The following CRACD variants were observed in gnomAD, a reference collection of about 807,000 sequenced individuals.
CRACD encodes the protein capping protein-inhibiting regulator of actin dynamics.
In CRACD, 56 loss-of-function variants were observed where a neutral mutation model predicts 106.8. The observed-to-expected ratio is 0.52, with a 90% CI of 0.42 to 0.66. The LOEUF is 0.66. Among genes scored for constraint, CRACD ranks in the 30% least tolerant of loss-of-function variants. The pLI is 0.00. For missense variants in CRACD, 1,730 were observed against 1,623.2 expected (o/e 1.07, Z -1.13); for synonymous variants, 754 against 670.8 (o/e 1.12, Z -1.92).
chr4:56,054,979 C>CA (rs1732005379), intron 1 of CRACD, among the ~76,000 whole-genome samples: 1 of 152,100 alleles, frequency 6.6e-6, no homozygotes, highest in Non-Finnish European at 1.5e-5. Flanking sequence ...GTACTGTATT[C>CA]AATATGAATT....
At chr4:56,210,033 G>T (rs573730688) in intron 2 of CRACD, among the ~76,000 whole-genome samples, 20 of 152,272 alleles carry the variant, frequency 1.3e-4, no homozygotes, top group African/African-American at 4.3e-4. Flanking sequence ...GGAAGAAGGG[G>T]TCATAATGGG....
chr4:56,232,843 G>C (rs1428826644), intron 2 of CRACD, among the ~76,000 whole-genome samples: 1 of 151,870 alleles, frequency 6.6e-6, no homozygotes, highest in Non-Finnish European at 1.5e-5. Flanking sequence ...TCCTGCCTCA[G>C]CCTCCCAAGT....
intron 2 of CRACD, among the ~76,000 whole-genome samples, chr4:56,256,769 G>C (rs1741380887): frequency 6.6e-6 from 1 of 152,158 alleles, no homozygotes; most frequent in Admixed American, 6.5e-5. Context: ...CATATCTGTG[G>C]AATGTAAACC....
At chr4:56,227,530 A>G (rs1419963526) in intron 2 of CRACD, among the ~76,000 whole-genome samples, 3 of 152,182 alleles carry the variant, frequency 2.0e-5, no homozygotes. Context: ...CGATCCCCTT[A>G]TAAAAGGCAG....
intron 2 of CRACD, among the ~76,000 whole-genome samples, chr4:56,239,099 C>T (rs1368651259): frequency 6.6e-6 from 1 of 152,046 alleles, no homozygotes; most frequent in African/African-American, 2.4e-5. Flanking sequence ...TCGAGACCAG[C>T]CTGGACAACA....
At chr4:56,109,053 G>A (rs1464820978) in intron 1 of CRACD, among the ~76,000 whole-genome samples, 4 of 152,120 alleles carry the variant, frequency 2.6e-5, no homozygotes, top group African/African-American at 9.7e-5. Flanking sequence ...ACTCCCTTTC[G>A]TGGTCTGCTA....
intron 1 of CRACD, among the ~76,000 whole-genome samples, chr4:56,091,849 G>T (rs1577957147): frequency 6.6e-6 from 1 of 152,096 alleles, no homozygotes; most frequent in East Asian, 1.9e-4. Flanking sequence ...AATATTTATT[G>T]AATACCTTCT....
chr4:56,274,532 G>A (rs1368388245), intron 3 of CRACD, among the ~76,000 whole-genome samples: 11 of 152,132 alleles, frequency 7.2e-5, no homozygotes, highest in Non-Finnish European at 2.9e-5. Flanking sequence ...ACTTCTTGGG[G>A]TTTTCCTTAA....
At chr4:56,090,792 A>G (rs1733401637) in intron 1 of CRACD, among the ~76,000 whole-genome samples, 1 of 152,190 alleles carries the variant, frequency 6.6e-6, no homozygotes. Context: ...TTTAGGGGCC[A>G]TAGTTCCAAC....
intron 2 of CRACD, among the ~76,000 whole-genome samples, chr4:56,179,703 G>A (rs968081518): frequency 1.3e-5 from 2 of 152,148 alleles, no homozygotes; most frequent in Non-Finnish European, 2.9e-5. Flanking sequence ...TTTGTAAATG[G>A]GAGAGGACAT....
chr4:56,298,143 G>C, intron 3 of CRACD, 71 bp from the exon 4 acceptor site: 1 of 1,514,752 alleles, frequency 6.6e-7, no homozygotes, highest in East Asian at 2.3e-5. Flanking sequence ...CTCCAATCAG[G>C]AATAATGGAA....
chr4:56,277,550 G>A (rs1186444894), intron 3 of CRACD, among the ~76,000 whole-genome samples: 3 of 151,726 alleles, frequency 2.0e-5, no homozygotes, highest in South Asian at 2.1e-4. Flanking sequence ...CATATTTAAT[G>A]ATGAAAAATG....
At chr4:56,160,590 A>G (rs1458873567) in intron 1 of CRACD, among the ~76,000 whole-genome samples, 1 of 152,208 alleles carries the variant, frequency 6.6e-6, no homozygotes, top group Non-Finnish European at 1.5e-5. Flanking sequence ...TCATTAAGGC[A>G]CTAAATAAAA....
chr4:56,189,645 G>A (rs1440676667), intron 2 of CRACD, among the ~76,000 whole-genome samples: 5 of 145,320 alleles, frequency 3.4e-5, no homozygotes, highest in Admixed American at 2.1e-4. Context: ...GAGAACATGC[G>A]GTGTTTGGTT....
chr4:56,185,852 G>A (rs1234932428), intron 2 of CRACD, among the ~76,000 whole-genome samples: 1 of 152,174 alleles, frequency 6.6e-6, no homozygotes, highest in African/African-American at 2.4e-5. Context: ...TGATATTTTG[G>A]CATTGGGATA....
Position 56,316,212 on chromosome 4 carries a change from C to G in CRACD, c.2710C>G (p.Pro904Ala), listed in dbSNP as rs770981534. ...GGAGGGTGTGGCCCTCAAGCATGGT[C>G]CATCCCTCCCCCAAGAGCGGAAGCA... is the stretch of plus-strand genomic sequence containing the variant. ...EMEGVALKHG[P>A]SLPQERKQAP... The change falls in exon 8 of 11, where the codon CCA becomes GCA. Residue 904 changes from proline to alanine, a missense_variant. This residue lies in a region of CRACD where 1,620 missense variants were observed against 1,481.6 expected (regional missense o/e 1.09). Transcript: ENST00000682029. 8.7e-6 allele frequency: 14 copies of G among 1,614,066 alleles called. No individual in the cohort carries two copies. The highest frequency in any genetic ancestry group is 1.3e-5 in the African/African-American group (1 of 75,054).
intron 2 of CRACD, among the ~76,000 whole-genome samples, chr4:56,206,473 C>T (rs1014969322): frequency 6.6e-6 from 1 of 152,186 alleles, no homozygotes; most frequent in Admixed American, 6.5e-5. Context: ...CAGCCAGGTG[C>T]CCAGCTATAA....
In CRACD at chr4:56,328,666, G is replaced by A; in HGVS notation, c.*862G>A. 4.4e-6 allele frequency: 1 copy of A among 225,230 alleles called. No homozygotes were observed. The highest frequency in any genetic ancestry group is 6.5e-5 in the South Asian group (1 of 15,390). 14.0% of individuals were successfully genotyped at this position (225,230 alleles called of 1,614,324 possible). On this transcript the variant is annotated 3_prime_UTR_variant, in exon 11 of 11. Transcript: ENST00000682029. ...ACTCAATCAGAGCCTGTGGGGACTGGGCCAGGAATATGTATTCTGGCAAAA... is the reference window on the plus strand; with the variant it reads ...ACTCAATCAGAGCCTGTGGGGACTGAGCCAGGAATATGTATTCTGGCAAAA...
intron 1 of CRACD, among the ~76,000 whole-genome samples, chr4:56,177,074 A>G (rs1736614761): frequency 6.6e-6 from 1 of 152,134 alleles, no homozygotes; most frequent in Non-Finnish European, 1.5e-5. Flanking sequence ...TAATTGCTCT[A>G]TCTAGGACTT....
Sources: gnomAD v4.1 joint callset for allele counts (sites outside exome capture counted in the v4.1 genomes callset) on GRCh38, gnomAD v4.1.1 for gene constraint, gnomAD v4.1.1 regional missense constraint, MANE v1.5 for transcripts, NCBI Gene and HGNC (gene_info 2026-07-23, HGNC 2026-07-21) for gene names.